ATP6V0A1: variants seen among roughly 807,000 people sequenced by gnomAD.
ATP6V0A1 encodes the protein V-type proton ATPase 116 kDa subunit a 1.
ATP6V0A1 carries 43 observed loss-of-function variants against 105.4 expected under a neutral mutation model. That is an observed-to-expected ratio of 0.41 (90% CI 0.32 to 0.53). The LOEUF (loss-of-function observed/expected upper bound fraction) is 0.53. Among genes scored for constraint, ATP6V0A1 ranks in the 20% least tolerant of loss-of-function variants. The pLI, the probability that ATP6V0A1 is intolerant of heterozygous loss-of-function variation, is 0.30. For missense variants in ATP6V0A1, 676 were observed against 1,051.1 expected (o/e 0.64, Z 4.93); for synonymous variants, 362 against 372.8 (o/e 0.97, Z 0.33).
chr17:42,468,461 T>C (rs1020655254), intron 4 of ATP6V0A1, among the ~76,000 whole-genome samples: 6 of 152,172 alleles, frequency 3.9e-5, no homozygotes, highest in Non-Finnish European at 4.4e-5. Context: ...TACTCTGCTA[T>C]TGAGCATTAG....
chr17:42,478,768 G>A (rs1307691204), intron 7 of ATP6V0A1, 179 bp downstream of exon 7: 1 of 492,816 alleles, frequency 2.0e-6, no homozygotes, highest in African/African-American at 2.0e-5. Context: ...ATATACATAT[G>A]GATGTATGAT....
At chr17:42,516,067 G>T (rs1204651665) in intron 21 of ATP6V0A1, among the ~76,000 whole-genome samples, 2 of 152,072 alleles carry the variant, frequency 1.3e-5, no homozygotes, top group East Asian at 3.9e-4. Flanking sequence ...CAAGCATAGG[G>T]GTCTGACTCA....
intron 19 of ATP6V0A1, among the ~76,000 whole-genome samples, chr17:42,512,768 A>G (rs2092410006): frequency 6.6e-6 from 1 of 152,124 alleles, no homozygotes; most frequent in Non-Finnish European, 1.5e-5. Context: ...GTCCTTTGGG[A>G]GTGGAATCAC....
intron 10 of ATP6V0A1, among the ~76,000 whole-genome samples, chr17:42,487,753 T>A (rs1016597880): frequency 4.0e-5 from 6 of 151,830 alleles, no homozygotes; most frequent in African/African-American, 7.3e-5. Context: ...TAATAAAAAA[T>A]AAATAAATAG....
intron 19 of ATP6V0A1, among the ~76,000 whole-genome samples, chr17:42,512,482 C>T (rs1567869403): frequency 6.6e-6 from 1 of 152,126 alleles, no homozygotes; most frequent in Non-Finnish European, 1.5e-5. Context: ...CTCTTAACCA[C>T]GGTGTTGGGA....
At chr17:42,491,005 A>G (rs567522041) in intron 11 of ATP6V0A1, among the ~76,000 whole-genome samples, 27 of 152,268 alleles carry the variant, frequency 1.8e-4, no homozygotes, top group African/African-American at 6.3e-4. Context: ...GACTACAGGC[A>G]TGTGTCACCA....
chr17:42,463,028 C>T (rs1403083733), intron 2 of ATP6V0A1, among the ~76,000 whole-genome samples: 2 of 86,752 alleles, frequency 2.3e-5, no homozygotes, highest in African/African-American at 4.5e-5. Context: ...TTTTTGGAGA[C>T]AGAATCTTGC....
At chr17:42,508,103 T>G (rs2092137738) in intron 18 of ATP6V0A1, among the ~76,000 whole-genome samples, 1 of 152,230 alleles carries the variant, frequency 6.6e-6, no homozygotes, top group African/African-American at 2.4e-5. Context: ...TTGAGCTTTT[T>G]TGGTGTCATT....
intron 21 of ATP6V0A1, among the ~76,000 whole-genome samples, chr17:42,514,719 C>T (rs879768613): frequency 6.6e-5 from 10 of 152,292 alleles, no homozygotes; most frequent in Non-Finnish European, 1.2e-4. Flanking sequence ...CGCTCCCTGC[C>T]TTTAGCTGTC....
At chr17:42,465,487 G>C (rs953024758) in intron 2 of ATP6V0A1, among the ~76,000 whole-genome samples, 3 of 151,322 alleles carry the variant, frequency 2.0e-5, no homozygotes, top group Non-Finnish European at 2.9e-5. Flanking sequence ...ATGGAGTTTC[G>C]CCATGTTGGC....
chr17:42,498,848 TG>T, intron 14 of ATP6V0A1, 75 bp from the exon 15 acceptor site: 1 of 1,003,304 alleles, frequency 1.0e-6, no homozygotes, highest in Non-Finnish European at 1.5e-6. Flanking sequence ...AAATAAAAAT[TG>T]TTTTTTAAAC....
intron 3 of ATP6V0A1, among the ~76,000 whole-genome samples, chr17:42,467,008 G>A (rs955356980): frequency 6.6e-6 from 1 of 152,112 alleles, no homozygotes; most frequent in East Asian, 1.9e-4. Context: ...TTAGCTGGGC[G>A]TGGTGGCAGG....
intron 9 of ATP6V0A1, among the ~76,000 whole-genome samples, chr17:42,484,061 TGTTC>T (rs950324014): frequency 3.3e-5 from 5 of 151,712 alleles, no homozygotes; most frequent in Non-Finnish European, 5.9e-5. Flanking sequence ...TTGTTTTGTT[TGTTC>T]GTTTGTTTGT....
intron 2 of ATP6V0A1, among the ~76,000 whole-genome samples, chr17:42,465,932 C>T (rs2086999309): frequency 6.6e-6 from 1 of 152,032 alleles, no homozygotes; most frequent in East Asian, 1.9e-4. Flanking sequence ...CGCCACTGCA[C>T]TCCAGCCTGG....
At chr17:42,517,388 G>C (rs952048564) in intron 21 of ATP6V0A1, among the ~76,000 whole-genome samples, 1 of 152,224 alleles carries the variant, frequency 6.6e-6, no homozygotes, top group Non-Finnish European at 1.5e-5. Flanking sequence ...TCTAGAGTGA[G>C]AGAAGACCCC....
At chr17:42,465,457 A>G (rs1338588527) in intron 2 of ATP6V0A1, among the ~76,000 whole-genome samples, 1 of 148,188 alleles carries the variant, frequency 6.7e-6, no homozygotes, top group African/African-American at 2.5e-5. Context: ...TGCCCGGCTA[A>G]TTTTGTATTT....
At chr17:42,491,064 G>T (rs915729439) in intron 11 of ATP6V0A1, among the ~76,000 whole-genome samples, 115 of 151,752 alleles carry the variant, frequency 7.6e-4, no homozygotes, top group African/African-American at 2.5e-3. Flanking sequence ...TTGCTATGTT[G>T]CCCAGGCTGA....
At position 42,480,759 on chromosome 17, in the gene ATP6V0A1, G is replaced by A. The variant is rs1325695081; in HGVS notation, c.716+10G>A. On this transcript the variant is annotated intron_variant, in intron 8 of 21. Transcript: ENST00000343619. ...AGAAAATCTGTGAAGGGTAAGAGAG[G>A]CATGCCTCTACCAGGAGTGCACAGC... 1 of 1,611,984 alleles carries A rather than the reference G, an allele frequency of 6.2e-7. No individual in the cohort carries two copies. Among genetic ancestry groups the A allele is most frequent in the African/African-American group, 1.3e-5 (1 of 74,926 alleles).
chr17:42,503,982 A>G (rs1162816238), intron 17 of ATP6V0A1, among the ~76,000 whole-genome samples: 2 of 152,252 alleles, frequency 1.3e-5, no homozygotes, highest in Non-Finnish European at 2.9e-5. Context: ...GTCTTAGCAT[A>G]TATAAGATGT....
Sources: allele counts gnomAD v4.1 joint callset (sites outside exome capture counted in the v4.1 genomes callset), GRCh38; gene constraint gnomAD v4.1.1; transcripts MANE v1.5; gene names NCBI Gene and HGNC (gene_info 2026-07-23, HGNC 2026-07-21).